RAB10: variants seen among roughly 807,000 people sequenced by gnomAD.
RAB10 encodes the protein RAB10, member RAS oncogene family.
A neutral mutation model predicts 25.7 loss-of-function variants in RAB10; 5 were observed. The ratio of observed to expected loss-of-function variants is 0.19; its 90% CI spans 0.10 to 0.41. The LOEUF (loss-of-function observed/expected upper bound fraction) is 0.41. Ranked by LOEUF, RAB10 falls within the 10% of genes least tolerant of loss-of-function variation. The pLI is 1.00. For missense variants in RAB10, 103 were observed against 245.8 expected, an observed-to-expected ratio of 0.42 and a Z score of 3.89; for synonymous variants, 89 against 86.4, an observed-to-expected ratio of 1.03 and a Z score of -0.16.
chr2:26,045,311 C>G (rs1665977831), intron 1 of RAB10, among the ~76,000 whole-genome samples: 1 of 151,620 alleles, frequency 6.6e-6, no homozygotes, highest in Non-Finnish European at 1.5e-5. Context: ...ACAATCTCGG[C>G]TCACTGCAAG....
chr2:26,100,807 C>A (rs1667324542), intron 2 of RAB10, among the ~76,000 whole-genome samples: 1 of 151,920 alleles, frequency 6.6e-6, no homozygotes, highest in African/African-American at 2.4e-5. Context: ...ACCCAAAATA[C>A]CATGAACTTA....
chr2:26,105,877 A>G (rs6546767), intron 2 of RAB10, among the ~76,000 whole-genome samples: 116,626 of 152,180 alleles, frequency 0.77, 44,756 homozygotes, highest in East Asian at 0.87. Flanking sequence ...ATAGTCACAT[A>G]CTCTACAGGT....
At chr2:26,051,663 A>G (rs1574528345) in intron 1 of RAB10, among the ~76,000 whole-genome samples, 2 of 144,680 alleles carry the variant, frequency 1.4e-5, no homozygotes, top group South Asian at 4.3e-4. Context: ...CTGAGGCAGG[A>G]GAATCACTTG....
chr2:26,107,631 A>G (rs1667492389), intron 2 of RAB10, among the ~76,000 whole-genome samples: 1 of 152,056 alleles, frequency 6.6e-6, no homozygotes, highest in Admixed American at 6.5e-5. Flanking sequence ...CCCCATTTCT[A>G]CTAAAAATAC....
chr2:26,136,065 TG>T lies in RAB10; in HGVS notation c.*1045del, dbSNP rs1668107183. Reference sequence around the variant, plus strand: ...TTTCCTCCTCTCTTTGTTCCCTTCCTGTCTATCCATTGAGTTTATGAAATGG... The same window carrying T: ...TTTCCTCCTCTCTTTGTTCCCTTCCTTCTATCCATTGAGTTTATGAAATGG... On this transcript the variant is annotated 3_prime_UTR_variant, in exon 6 of 6. Coordinates refer to ENST00000264710, the MANE Select transcript of RAB10 (RefSeq NM_016131.5). 6.5e-6 allele frequency: 1 copy of T among 152,708 alleles called. No individual in the cohort carries two copies. Among genetic ancestry groups the T allele is most frequent in the Non-Finnish European group, 1.5e-5 (1 of 68,094 alleles). The allele number at this position is 152,708 out of a possible 1,614,324, so 9.5% of individuals were successfully genotyped here. A position where few individuals can be genotyped will look rare whatever the true frequency, so the allele number is the denominator to read the frequency against.
rs555306712 is a variant in RAB10 at position 26,116,052 on chromosome 2, T to C, written c.327+6146T>C. Among the ~76,000 whole-genome samples the C allele has an allele frequency of 4.3e-4, 65 of 152,132 alleles. 2 individuals are homozygous for C. The South Asian group carries it at 0.013, about 30-fold the overall frequency. ...TTTTTTTTGTATTTTTTAGTAGAGA[T>C]GGGATTTCACCATCTTGGTCAGGCT... On this transcript the variant is annotated intron_variant, in intron 3 of 5. Transcript: ENST00000264710.
chr2:26,103,208 C>T (rs1411704618), intron 2 of RAB10, among the ~76,000 whole-genome samples: 2 of 152,032 alleles, frequency 1.3e-5, no homozygotes, highest in South Asian at 2.1e-4. Context: ...TGCATAATGC[C>T]CAACCTATAG....
At chr2:26,122,640 A>C (rs1042766113) in intron 3 of RAB10, among the ~76,000 whole-genome samples, 1 of 151,980 alleles carries the variant, frequency 6.6e-6, no homozygotes, top group South Asian at 2.1e-4. Context: ...AAAAAAACAA[A>C]AAAAAAGGGC....
chr2:26,057,460 A>G (rs1282763655), intron 1 of RAB10, among the ~76,000 whole-genome samples: 1 of 152,056 alleles, frequency 6.6e-6, no homozygotes, highest in Non-Finnish European at 1.5e-5. Flanking sequence ...TAAAAAATAA[A>G]AACTATAAGG....
chr2:26,033,907 C>CCTCGCCCTTT (rs1665694475), upstream of RAB10, among the ~76,000 whole-genome samples: 1 of 152,218 alleles, frequency 6.6e-6, no homozygotes, highest in African/African-American at 2.4e-5. Context: ...GCGCCCGCGG[C>CCTCGCCCTTT]CTCGCCCTTT....
chr2:26,098,615 C>A lies in RAB10; in HGVS notation c.128-47C>A, dbSNP rs750299325. The A allele has an allele frequency of 5.0e-6, 7 of 1,401,716 alleles. No individual in the cohort carries two copies. In the East Asian group the frequency reaches 1.6e-4, roughly 33 times the overall value. The allele number at this position is 1,401,716 out of a possible 1,614,324, so 86.8% of individuals were successfully genotyped here. ...TTACTGTGATTAATTTTAGTATAGCCAAATGTAAAGCCACAGTTACAGTTT... is the reference window on the plus strand; with the variant it reads ...TTACTGTGATTAATTTTAGTATAGCAAAATGTAAAGCCACAGTTACAGTTT... On this transcript the variant is annotated intron_variant, in intron 1 of 5. Transcript: ENST00000264710.
intron 1 of RAB10, among the ~76,000 whole-genome samples, chr2:26,056,360 G>A (rs553439929): frequency 6.6e-6 from 1 of 151,842 alleles, no homozygotes; most frequent in Non-Finnish European, 1.5e-5. Flanking sequence ...CATCACACCC[G>A]GCTAATTTTT....
At chr2:26,111,358 A>T (rs1667567637) in intron 3 of RAB10, among the ~76,000 whole-genome samples, 1 of 152,100 alleles carries the variant, frequency 6.6e-6, no homozygotes, top group South Asian at 2.1e-4. Context: ...TAATCCCAGC[A>T]CTCTGGGAGG....
At chr2:26,099,260 A>G (rs1667290680) in intron 2 of RAB10, among the ~76,000 whole-genome samples, 1 of 152,146 alleles carries the variant, frequency 6.6e-6, no homozygotes, top group Admixed American at 6.5e-5. Flanking sequence ...GGACCCTGTG[A>G]AATCTGTTAC....
chr2:26,061,122 G>A (rs537784693), intron 1 of RAB10, among the ~76,000 whole-genome samples: 1 of 72,662 alleles, frequency 1.4e-5, no homozygotes, highest in South Asian at 4.6e-4. Flanking sequence ...TTTTTTGTTC[G>A]TTTGTTTTTT....
chr2:26,082,283 C>G, intron 1 of RAB10, among the ~76,000 whole-genome samples: 1 of 152,042 alleles, frequency 6.6e-6, no homozygotes, highest in East Asian at 1.9e-4. Context: ...GTTCTAGTTA[C>G]GATGTTTATT....
At chr2:26,035,390 G>A (rs907194927) in intron 1 of RAB10, among the ~76,000 whole-genome samples, 1 of 152,212 alleles carries the variant, frequency 6.6e-6, no homozygotes, top group African/African-American at 2.4e-5. Context: ...ACCCAACGGA[G>A]TGAAGTCAAG....
chr2:26,042,539 AG>A (rs1313535783), intron 1 of RAB10: 1 of 152,052 alleles, frequency 6.6e-6, no homozygotes, highest in Non-Finnish European at 1.5e-5. Context: ...CCAGCTACTC[AG>A]GAGGCTGAGA....
rs561079567 is a variant in RAB10, at chr2:26,105,370, G to T, written c.189-4398G>T. Among the ~76,000 whole-genome samples the T allele has an allele frequency of 9.2e-5, 14 of 152,206 alleles. No homozygotes were observed. The South Asian group carries it at 2.9e-3, about 32-fold the overall frequency. On this transcript the variant is annotated intron_variant, in intron 2 of 5. Coordinates refer to ENST00000264710, the MANE Select transcript of RAB10 (RefSeq NM_016131.5). ...GTGTTACAAGAAGAGAATGCAGTCGGCTGGGCACAATGGCTCACACCTGTA... is the reference window on the plus strand; with the variant it reads ...GTGTTACAAGAAGAGAATGCAGTCGTCTGGGCACAATGGCTCACACCTGTA...
Sources: gnomAD v4.1 joint callset for allele counts (sites outside exome capture counted in the v4.1 genomes callset) on GRCh38, gnomAD v4.1.1 for gene constraint, MANE v1.5 for transcripts, NCBI Gene and HGNC (gene_info 2026-07-23, HGNC 2026-07-21) for gene names.